SIMC1: variants seen among roughly 807,000 people sequenced by gnomAD.
SIMC1 encodes the protein SUMO-interacting motif-containing protein 1.
A neutral mutation model predicts 82.3 loss-of-function variants in SIMC1; 55 were observed. That is an observed-to-expected ratio of 0.67 (90% confidence interval 0.54 to 0.84). The LOEUF is 0.84. Among genes scored for constraint, SIMC1 ranks in the 40% least tolerant of loss-of-function variants. The pLI, the probability that SIMC1 is intolerant of heterozygous loss-of-function variation, is 0.00. For synonymous variants in SIMC1, 353 were observed against 426.3 expected, an observed-to-expected ratio of 0.83 and a Z score of 2.12; for missense variants, 915 against 1,107.2, an observed-to-expected ratio of 0.83 and a Z score of 2.46.
chr5:176,333,520 C>G (rs971609628), intron 7 of SIMC1, among the ~76,000 whole-genome samples: 3 of 151,516 alleles, frequency 2.0e-5, no homozygotes, highest in Non-Finnish European at 4.4e-5. Flanking sequence ...CCTCTGCCTC[C>G]CAAGGCTCAA....
At chr5:176,257,685 C>T (rs1012861435) in intron 1 of SIMC1, among the ~76,000 whole-genome samples, 2 of 152,148 alleles carry the variant, frequency 1.3e-5, no homozygotes, top group African/African-American at 2.4e-5. Context: ...TACATATGTA[C>T]GTATGTGTCT....
chr5:176,271,987 TAATA>T (rs1290723408), intron 1 of SIMC1, among the ~76,000 whole-genome samples: 2 of 144,666 alleles, frequency 1.4e-5, no homozygotes, highest in East Asian at 2.0e-4. Flanking sequence ...ATATATAACA[TAATA>T]TATATAACAT....
chr5:176,276,022 G>A (rs1481731957), intron 1 of SIMC1, among the ~76,000 whole-genome samples: 2 of 151,516 alleles, frequency 1.3e-5, no homozygotes, highest in African/African-American at 2.4e-5. Context: ...ATTTTCTATT[G>A]ATTGGAATAG....
chr5:176,281,991 G>T (rs1477290926), intron 1 of SIMC1, among the ~76,000 whole-genome samples: 1 of 152,220 alleles, frequency 6.6e-6, no homozygotes, highest in Non-Finnish European at 1.5e-5. Flanking sequence ...AGTCTGCAGA[G>T]GTTACTGCTG....
chr5:176,280,129 C>A (rs530087631), intron 1 of SIMC1, among the ~76,000 whole-genome samples: 1 of 151,988 alleles, frequency 6.6e-6, no homozygotes, highest in African/African-American at 2.4e-5. Context: ...GTAGGTCACT[C>A]AGGACTTGCT....
At position 176,275,987 on chromosome 5, in the gene SIMC1, A is replaced by C. The variant is rs1254068762; in HGVS notation, c.130-13667A>C. On this transcript the variant is annotated intron_variant, in intron 1 of 9. Coordinates refer to ENST00000429602, the MANE Select transcript of SIMC1 (RefSeq NM_001308195.2). ...GGTATCAGGATGATGCTGGCCTCAT[A>C]AAATGAGTTAGGGAGGATTCCCTCA... Among the ~76,000 whole-genome samples, 8 of 151,534 alleles carry C rather than the reference A, an allele frequency of 5.3e-5. 1 individual carries two copies. Among genetic ancestry groups the C allele is most frequent in the Non-Finnish European group, 1.5e-5 (1 of 67,804 alleles).
At chr5:176,281,032 A>C (rs541158090) in intron 1 of SIMC1, among the ~76,000 whole-genome samples, 24 of 152,214 alleles carry the variant, frequency 1.6e-4, no homozygotes, top group Non-Finnish European at 2.9e-4. Flanking sequence ...GTGTTTTCCA[A>C]CTTGGTTCCA....
chr5:176,265,149 C>T (rs564787856), intron 1 of SIMC1, among the ~76,000 whole-genome samples: 1 of 152,254 alleles, frequency 6.6e-6, no homozygotes, highest in East Asian at 1.9e-4. Flanking sequence ...AACAACAAAA[C>T]CCTCCTAGGA....
chr5:176,320,633 GTGCTGGGATTACAAAGTGAGCCACCA>G (rs1396205995), intron 5 of SIMC1, among the ~76,000 whole-genome samples: 1 of 152,132 alleles, frequency 6.6e-6, no homozygotes, highest in Non-Finnish European at 1.5e-5. Flanking sequence ...GCTTCCCAAA[GTGCTGGGATTACAAAGTGAGCCACCA>G]TGCCTGGCCG....
intron 1 of SIMC1, among the ~76,000 whole-genome samples, chr5:176,275,414 G>A (rs1292514127): frequency 1.3e-5 from 2 of 151,854 alleles, no homozygotes; most frequent in African/African-American, 4.8e-5. Context: ...CATGTCATCT[G>A]CAAACAAGGA....
intron 4 of SIMC1, chr5:176,309,017 A>C (rs1281743759): frequency 2.5e-6 from 2 of 792,888 alleles, no homozygotes; most frequent in Admixed American, 1.8e-5. Context: ...GGAATAAAGC[A>C]GGAGACAAAA....
chr5:176,273,012 A>C (rs190083339), intron 1 of SIMC1, among the ~76,000 whole-genome samples: 98 of 152,346 alleles, frequency 6.4e-4, no homozygotes, highest in Admixed American at 1.2e-3. Context: ...GGGGCAGGGC[A>C]TAGCCGAACA....
In SIMC1 at chr5:176,290,181, GC is replaced by G; in HGVS notation, c.659del (p.Pro220ArgfsTer42). The G allele has an allele frequency of 6.2e-7, 1 of 1,611,744 alleles. No individual in the cohort carries two copies. Among genetic ancestry groups the G allele is most frequent in the East Asian group, 2.2e-5 (1 of 44,830 alleles). ...QDVSRPPQALPCPLRPLPCPP... is the reference protein window; with the variant it reads ...QDVSRPPQALXCPLRPLPCPP... Reference sequence around the variant, plus strand: ...ATGTATCTCGCCCACCACAGGCCTTGCCGTGCCCCCTGCGACCTTTGCCATG... The same window carrying G: ...ATGTATCTCGCCCACCACAGGCCTTGCGTGCCCCCTGCGACCTTTGCCATG... On this transcript the variant is annotated frameshift_variant, in exon 2 of 10. Coordinates refer to ENST00000429602, the MANE Select transcript of SIMC1 (RefSeq NM_001308195.2). LOFTEE classifies it high-confidence loss of function.
chr5:176,288,872 C>T (rs1299303036), intron 1 of SIMC1, among the ~76,000 whole-genome samples: 2 of 152,172 alleles, frequency 1.3e-5, no homozygotes, highest in Non-Finnish European at 2.9e-5. Context: ...AGGTTGATTA[C>T]AATACCTCTG....
At position 176,290,535 on chromosome 5, in the gene SIMC1, C is replaced by G. The variant is rs1465571522; in HGVS notation, c.1011C>G (p.His337Gln). The G allele has an allele frequency of 1.1e-5, 18 of 1,613,872 alleles. No individual in the cohort carries two copies. Among genetic ancestry groups the G allele is most frequent in the Non-Finnish European group, 1.3e-5 (15 of 1,179,896 alleles). Residue 337 changes from histidine to glutamine, a missense_variant, in exon 2 of 10, where the codon CAC (histidine) becomes CAG (glutamine). Coordinates refer to ENST00000429602, the MANE Select transcript of SIMC1 (RefSeq NM_001308195.2). Reference sequence around the variant, plus strand: ...CACAGTCACCAGGGGGCATGCCACACTTACCGGGAGATGTGTTACATTCAC... The same window carrying G: ...CACAGTCACCAGGGGGCATGCCACAGTTACCGGGAGATGTGTTACATTCAC... ...DAPQSPGGMPHLPGDVLHSPG... is the reference protein window; with the variant it reads ...DAPQSPGGMPQLPGDVLHSPG...
intron 1 of SIMC1, among the ~76,000 whole-genome samples, chr5:176,284,410 CTAT>C (rs1289555085): frequency 9.0e-6 from 1 of 110,842 alleles, no homozygotes; most frequent in African/African-American, 3.4e-5. Context: ...GAACAACCTG[CTAT>C]TGAATGACTA....
At chr5:176,243,079 G>A (rs1247654552) in intron 1 of SIMC1, among the ~76,000 whole-genome samples, 2 of 152,002 alleles carry the variant, frequency 1.3e-5, no homozygotes, top group African/African-American at 4.8e-5. Context: ...GACCAGAGGT[G>A]AACAAGATGA....
At chr5:176,275,552 G>A (rs1762648304) in intron 1 of SIMC1, among the ~76,000 whole-genome samples, 2 of 151,926 alleles carry the variant, frequency 1.3e-5, no homozygotes, top group Middle Eastern at 3.4e-3. Context: ...TCTTGTGCCA[G>A]TTTTCAAAGG....
At chr5:176,319,051 C>T (rs1765040979) in intron 5 of SIMC1, among the ~76,000 whole-genome samples, 1 of 152,114 alleles carries the variant, frequency 6.6e-6, no homozygotes, top group South Asian at 2.1e-4. Flanking sequence ...AGAGGTTGCA[C>T]TGAGCTGAGA....
Sources: allele counts gnomAD v4.1 joint callset (sites outside exome capture counted in the v4.1 genomes callset), GRCh38; gene constraint gnomAD v4.1.1; transcripts MANE v1.5; gene names NCBI Gene and HGNC (gene_info 2026-07-23, HGNC 2026-07-21).